Variants in DKK3 observed in about 807,000 individuals in gnomAD.
DKK3 encodes dickkopf-related protein 3.
A neutral mutation model predicts 33.2 loss-of-function variants in DKK3; 22 were observed. That is an observed-to-expected ratio of 0.66 (90% CI 0.47 to 0.95). The LOEUF is 0.95. DKK3 is among the 40% of genes least tolerant of loss of function. The pLI, the probability that DKK3 is intolerant of heterozygous loss-of-function variation, is 0.00. For synonymous variants in DKK3, 194 were observed against 188.8 expected, an observed-to-expected ratio of 1.03 and a Z score of -0.23; for missense variants, 398 against 458.4, an observed-to-expected ratio of 0.87 and a Z score of 1.20.
At chr11:11,980,851 T>A (rs1350234041) in intron 3 of DKK3, among the ~76,000 whole-genome samples, 1 of 152,140 alleles carries the variant, frequency 6.6e-6, no homozygotes, top group Non-Finnish European at 1.5e-5. Flanking sequence ...TTGGCTTTTC[T>A]CTCTGAGGGG....
intron 3 of DKK3, chr11:11,998,334 A>G: frequency 2.9e-6 from 1 of 345,044 alleles, no homozygotes; most frequent in Non-Finnish European, 5.3e-6. Context: ...GGATTACAAA[A>G]GGGGTAGCCA....
intron 3 of DKK3, among the ~76,000 whole-genome samples, chr11:11,992,709 CA>C (rs940728672): frequency 3.9e-5 from 6 of 152,148 alleles, no homozygotes; most frequent in African/African-American, 1.4e-4. Flanking sequence ...ATAAAATTTA[CA>C]GTTCTCAAAC....
chr11:12,009,358 C>A (rs1848611996), upstream of DKK3: 3 of 963,464 alleles, frequency 3.1e-6, no homozygotes, highest in Non-Finnish European at 3.7e-6. Context: ...GCCCACCAGG[C>A]TCCCTCTCCG....
At chr11:11,999,054 C>G (rs4542392) in intron 2 of DKK3, among the ~76,000 whole-genome samples, 3 of 151,886 alleles carry the variant, frequency 2.0e-5, no homozygotes, top group Admixed American at 2.0e-4. Context: ...GCACAGTGCC[C>G]AACACCCAGC....
rs759807269 is a variant in DKK3, at chr11:11,968,491, G to C, written c.436-4C>G. ...AGTCCTCGTCGATGATGCACTCCTGGGGAAGGGCACAGGGAGCAGATGTGT... is the reference window on the plus strand; with the variant it reads ...AGTCCTCGTCGATGATGCACTCCTGCGGAAGGGCACAGGGAGCAGATGTGT... On this transcript the variant is annotated splice_region_variant and splice_polypyrimidine_tract_variant and intron_variant, in intron 3 of 6. Transcript: ENST00000683431. 1 of 1,612,676 alleles carries C rather than the reference G, an allele frequency of 6.2e-7. No individual in the cohort carries two copies. Among genetic ancestry groups the C allele is most frequent in the South Asian group, 1.1e-5 (1 of 90,900 alleles).
chr11:11,999,951 C>A (rs914468314), intron 2 of DKK3, among the ~76,000 whole-genome samples: 1 of 152,144 alleles, frequency 6.6e-6, no homozygotes, highest in African/African-American at 2.4e-5. Flanking sequence ...TAATTCCTCT[C>A]CCCAAATGAA....
At chr11:11,976,078 C>T (rs924595962) in intron 3 of DKK3, among the ~76,000 whole-genome samples, 5 of 152,310 alleles carry the variant, frequency 3.3e-5, no homozygotes, top group South Asian at 2.1e-4. Context: ...GCTTAACTCA[C>T]GGCAGGAGCT....
At chr11:11,996,913 C>T (rs924237332) in intron 3 of DKK3, among the ~76,000 whole-genome samples, 1 of 152,222 alleles carries the variant, frequency 6.6e-6, no homozygotes, top group African/African-American at 2.4e-5. Context: ...TACACAGGGG[C>T]ACACAAGGCC....
chr11:11,967,498 G>A (rs903700906), intron 4 of DKK3, among the ~76,000 whole-genome samples: 2 of 152,198 alleles, frequency 1.3e-5, no homozygotes, highest in African/African-American at 4.8e-5. Context: ...AGATGAGGAT[G>A]GCCTGTGGGT....
Position 12,002,297 on chromosome 11 carries a change from T to TAA in DKK3, c.351+2_351+3insTT, listed in dbSNP as rs1177942379. 1.2e-6 allele frequency: 2 copies of TAA among 1,612,586 alleles called. No homozygotes were observed. ...AAAGGAGGAAGTGCTGGCCATGACT[T>TAA]ACCTTGTGAATTTCTCGGTGCACAT... On this transcript the variant is annotated splice_region_variant and intron_variant, in intron 2 of 6. Coordinates refer to ENST00000683431, the MANE Select transcript of DKK3 (RefSeq NM_001018057.2).
intron 3 of DKK3, among the ~76,000 whole-genome samples, chr11:11,976,956 G>A (rs955921434): frequency 6.6e-6 from 1 of 152,186 alleles, no homozygotes; most frequent in Admixed American, 6.5e-5. Flanking sequence ...AGCTCAGGGG[G>A]TGGGGGCCCC....
intron 2 of DKK3, among the ~76,000 whole-genome samples, chr11:11,999,449 T>A (rs1331621655): frequency 6.6e-6 from 1 of 152,166 alleles, no homozygotes; most frequent in Non-Finnish European, 1.5e-5. Context: ...GCCAAGATGA[T>A]GAAACCCCAT....
At chr11:11,986,722 T>C (rs1189868098) in intron 3 of DKK3, among the ~76,000 whole-genome samples, 1 of 152,236 alleles carries the variant, frequency 6.6e-6, no homozygotes, top group Non-Finnish European at 1.5e-5. Flanking sequence ...ACTGGGTTCA[T>C]ATTCCAGTTC....
intron 3 of DKK3, among the ~76,000 whole-genome samples, chr11:11,978,296 A>T (rs1473542749): frequency 2.6e-5 from 4 of 151,988 alleles, no homozygotes; most frequent in Non-Finnish European, 5.9e-5. Context: ...TCCAGGGAGG[A>T]GGCTGGGAAG....
chr11:11,998,485 T>C (rs1317163666), intron 3 of DKK3: 1 of 622,744 alleles, frequency 1.6e-6, no homozygotes, highest in Admixed American at 2.9e-5. Flanking sequence ...ATTTATCTGT[T>C]GTTTCTGATG....
intron 2 of DKK3, among the ~76,000 whole-genome samples, chr11:12,001,358 A>G (rs1017859341): frequency 2.0e-5 from 3 of 152,240 alleles, no homozygotes; most frequent in Non-Finnish European, 2.9e-5. Context: ...GCTACTTTAT[A>G]GTCAAGGCAA....
chr11:12,009,508 C>T (rs1848615090), upstream of DKK3: 1 of 936,884 alleles, frequency 1.1e-6, no homozygotes, highest in African/African-American at 1.8e-5. Flanking sequence ...GCGACCAGCT[C>T]TACCGAAGGC....
At chr11:12,004,856 G>C (rs536643666) in intron 1 of DKK3, among the ~76,000 whole-genome samples, 1 of 152,344 alleles carries the variant, frequency 6.6e-6, no homozygotes, top group Admixed American at 6.5e-5. Flanking sequence ...AGTTCTGAAG[G>C]GAATGGGTAG....
rs1016730309 is a variant in DKK3 at position 11,963,378 on chromosome 11, T to C, written c.*1086A>G. ...GTGGTTGATAATTGTCTTCAGTTGC[T>C]GCTAAGTGATTTTGCAAATTTCATT... On this transcript the variant is annotated 3_prime_UTR_variant, in exon 7 of 7. Coordinates refer to ENST00000683431, the MANE Select transcript of DKK3 (RefSeq NM_001018057.2). 1 of 152,316 alleles carries C rather than the reference T, an allele frequency of 6.6e-6. No homozygotes were observed. The highest frequency in any genetic ancestry group is 1.9e-4 in the East Asian group (1 of 5,200). 9.4% of individuals were successfully genotyped at this position (152,316 alleles called of 1,614,324 possible). A position where few individuals can be genotyped will look rare whatever the true frequency, so the allele number is the denominator to read the frequency against.
Sources: allele counts gnomAD v4.1 joint callset (sites outside exome capture counted in the v4.1 genomes callset), GRCh38; gene constraint gnomAD v4.1.1; transcripts MANE v1.5; gene names NCBI Gene and HGNC (gene_info 2026-07-23, HGNC 2026-07-21).